PHEX: variants seen among roughly 807,000 people sequenced by gnomAD.
PHEX encodes the protein phosphate-regulating neutral endopeptidase PHEX.
PHEX carries 16 observed loss-of-function variants against 68.0 expected under a neutral mutation model. The observed-to-expected ratio is 0.24, with a 90% confidence interval of 0.16 to 0.36. The LOEUF is 0.36. Ranked by LOEUF, PHEX falls within the 10% of genes least tolerant of loss-of-function variation. The probability of loss-of-function intolerance (pLI) is 1.00; values close to 1 mark genes in which losing one functional copy is unlikely to be tolerated. For synonymous variants in PHEX, 208 were observed against 205.1 expected (o/e 1.01, Z -0.12); for missense variants, 480 against 575.5 (o/e 0.83, Z 1.70).
rs1602444634 is a variant in PHEX at position 22,249,239 on chromosome X, G to C, written c.*1286G>C. 1 of 103,136 alleles carries C rather than the reference G, an allele frequency of 9.7e-6. No individual in the cohort carries two copies. Among genetic ancestry groups the C allele is most frequent in the South Asian group, 4.3e-4 (1 of 2,325 alleles). The allele number at this position is 103,136 out of a possible 1,213,427, so 8.5% of individuals were successfully genotyped here. A position where few individuals can be genotyped will look rare whatever the true frequency, so the allele number is the denominator to read the frequency against. On this transcript the variant is annotated 3_prime_UTR_variant, in exon 22 of 22. Transcript: ENST00000379374. The stretch of plus-strand genomic sequence containing the variant: ...TGTGTGTGTGTGTGTGTGTGTGTGT[G>C]TAGGATAAAATTGTAATGGCCTTAA...
chrX:22,245,380 A>G lies in PHEX; in HGVS notation c.2118A>G (p.Gln706=), dbSNP rs2147214069. The change falls in exon 21 of 22, where the codon CAA becomes CAG. Residue 706 remains glutamine, a synonymous_variant. Coordinates refer to ENST00000379374, the MANE Select transcript of PHEX (RefSeq NM_000444.6). ...YRPEAAREQV[Q]IGAHSPPQFR... The stretch of plus-strand genomic sequence containing the variant: ...CAGAAGCTGCCCGAGAACAAGTCCA[A>G]ATTGGTGCTCACAGTCCCCCTCAGT... 8 of 1,208,030 alleles carry G rather than the reference A, an allele frequency of 6.6e-6. No individual in the cohort carries two copies. The highest frequency in any genetic ancestry group is 9.0e-6 in the Non-Finnish European group (8 of 892,289).
At chrX:22,135,454 G>T in intron 12 of PHEX, among the ~76,000 whole-genome samples, 1 of 98,838 alleles carries the variant, frequency 1.0e-5, no homozygotes. Context: ...GTGCTTGCAT[G>T]AATTAGTACA....
intron 12 of PHEX, 116 bp downstream of exon 12, chrX:22,133,740 C>G: frequency 1.8e-6 from 1 of 553,304 alleles, no homozygotes; most frequent in Admixed American, 2.9e-5. Context: ...TCTGAATGAC[C>G]CCAGAGTTAG....
intron 17 of PHEX, among the ~76,000 whole-genome samples, chrX:22,220,864 C>T (rs1935246925): frequency 8.9e-6 from 1 of 112,148 alleles, no homozygotes; most frequent in Non-Finnish European, 1.9e-5. Context: ...GCCTCTGATT[C>T]TCATAGTAAC....
chrX:22,196,865 T>C (rs35116469), intron 15 of PHEX, among the ~76,000 whole-genome samples: 9,491 of 111,347 alleles, frequency 0.085, 998 homozygotes, highest in African/African-American at 0.29. Context: ...GCTGGGCTTA[T>C]GGGGGCATCG....
intron 2 of PHEX, among the ~76,000 whole-genome samples, chrX:22,041,241 A>C (rs1602246803): frequency 2.0e-5 from 1 of 51,149 alleles, no homozygotes; most frequent in Non-Finnish European, 3.3e-5. Context: ...TTCTTAAGTG[A>C]TCTCTCTCTC....
intron 20 of PHEX, among the ~76,000 whole-genome samples, chrX:22,230,935 A>C (rs1457441948): frequency 9.0e-6 from 1 of 111,655 alleles, no homozygotes; most frequent in Non-Finnish European, 1.9e-5. Context: ...AGCTCTTCCA[A>C]TTTTGAGATA....
At chrX:22,064,280 T>A (rs1355651668) in intron 3 of PHEX, among the ~76,000 whole-genome samples, 1 of 109,478 alleles carries the variant, frequency 9.1e-6, no homozygotes, top group African/African-American at 3.5e-5. Context: ...GTTTTTTTTC[T>A]GAACCTCTCC....
At chrX:22,052,921 A>G (rs1927905736) in intron 3 of PHEX, among the ~76,000 whole-genome samples, 1 of 110,984 alleles carries the variant, frequency 9.0e-6, no homozygotes, top group Non-Finnish European at 1.9e-5. Flanking sequence ...ATAACCAAAA[A>G]CTACTTGTAC....
intron 5 of PHEX, among the ~76,000 whole-genome samples, chrX:22,077,993 G>A (rs760281886): frequency 8.9e-6 from 1 of 111,901 alleles, no homozygotes; most frequent in East Asian, 2.8e-4. Flanking sequence ...CCAGTGGGAA[G>A]GGGACTGCAG....
intron 13 of PHEX, among the ~76,000 whole-genome samples, chrX:22,169,508 A>G (rs1438040888): frequency 1.8e-5 from 2 of 112,579 alleles, no homozygotes; most frequent in African/African-American, 6.5e-5. Flanking sequence ...AAAAGGACAT[A>G]GAGACTCAAT....
rs761575825 is a variant in PHEX, at chrX:22,099,096, C to T, written c.1024C>T (p.Arg342Cys). 18 of 1,205,623 alleles carry T rather than the reference C, an allele frequency of 1.5e-5. No individual in the cohort carries two copies. The highest frequency in any genetic ancestry group is 1.2e-4 in the East Asian group (4 of 33,718). Residue 342 changes from arginine to cysteine, a missense_variant, in exon 9 of 22, where the codon CGC (arginine) becomes TGC (cysteine). Arg to Cys is a radical substitution (Grantham distance 180). Coordinates refer to ENST00000379374, the MANE Select transcript of PHEX (RefSeq NM_000444.6). ...DISPSENVVV[R>C]VPQYFKDLFR... ...CAGCCCCTCCGAGAATGTGGTGGTC[C>T]GCGTCCCGCAGTACTTTAAAGATTT...
intron 14 of PHEX, among the ~76,000 whole-genome samples, chrX:22,183,188 C>T (rs962818607): frequency 2.0e-4 from 22 of 110,762 alleles, no homozygotes; most frequent in Non-Finnish European, 1.1e-4. Flanking sequence ...CTTTCAAGTC[C>T]CTGTTCTGTC....
chrX:22,187,728 T>C (rs1934073734), intron 14 of PHEX, among the ~76,000 whole-genome samples: 1 of 111,823 alleles, frequency 8.9e-6, no homozygotes, highest in African/African-American at 3.2e-5. Flanking sequence ...CCAGCAAGTT[T>C]ATGTTAAACA....
intron 12 of PHEX, among the ~76,000 whole-genome samples, chrX:22,135,304 ATTG>A (rs1243397994): frequency 8.9e-6 from 1 of 111,865 alleles, no homozygotes; most frequent in Non-Finnish European, 1.9e-5. Flanking sequence ...ACACCAACAT[ATTG>A]TTGTTTTATG....
At chrX:22,243,875 G>C (rs750746519) in intron 20 of PHEX, among the ~76,000 whole-genome samples, 1 of 112,078 alleles carries the variant, frequency 8.9e-6, no homozygotes, top group African/African-American at 3.2e-5. Context: ...ACAGTGTGGC[G>C]ATTCCTCAAG....
At chrX:22,097,095 G>C in intron 8 of PHEX, 57 bp downstream of exon 8, 2 of 817,766 alleles carry the variant, frequency 2.4e-6, no homozygotes, top group Non-Finnish European at 3.7e-6. Context: ...GAAGGGATTG[G>C]ATTTCATCTC....
chrX:22,039,398 C>T (rs954790327), intron 2 of PHEX, among the ~76,000 whole-genome samples: 6 of 112,307 alleles, frequency 5.3e-5, no homozygotes, highest in Non-Finnish European at 9.4e-5. Flanking sequence ...AGTGTCTTAT[C>T]CCATCAAACT....
chrX:22,234,267 G>T (rs1464761619), intron 20 of PHEX, among the ~76,000 whole-genome samples: 1 of 112,555 alleles, frequency 8.9e-6, no homozygotes, highest in Non-Finnish European at 1.9e-5. Context: ...ATACACGGGG[G>T]TCAGGTACCC....
Sources: gnomAD v4.1 joint callset for allele counts (sites outside exome capture counted in the v4.1 genomes callset) on GRCh38, gnomAD v4.1.1 for gene constraint, MANE v1.5 for transcripts, NCBI Gene and HGNC (gene_info 2026-07-23, HGNC 2026-07-21) for gene names.